Variants in ENTREP2 observed in about 807,000 individuals in gnomAD.
ENTREP2 encodes endosomal transmembrane epsin interactor 2.
the ENTREP2 span, among the ~76,000 whole-genome samples, chr15:29,405,581 G>A: frequency 6.6e-6 from 1 of 152,114 alleles, no homozygotes; most frequent in Admixed American, 6.6e-5. Context: ...CCCCCAAACA[G>A]CTAATTACCC....
the ENTREP2 span, among the ~76,000 whole-genome samples, chr15:29,125,506 T>C: frequency 6.6e-6 from 1 of 152,124 alleles, no homozygotes; most frequent in Non-Finnish European, 1.5e-5. Context: ...AGAGATCAGC[T>C]GGGCAAGACC....
chr15:29,668,180 A>G, the ENTREP2 span, among the ~76,000 whole-genome samples: 12 of 152,314 alleles, frequency 7.9e-5, no homozygotes, highest in African/African-American at 2.6e-4. Flanking sequence ...TAGCAACAGA[A>G]GAGGGAGCAG....
chr15:29,583,527 A>G, the ENTREP2 span, among the ~76,000 whole-genome samples: 4 of 152,200 alleles, frequency 2.6e-5, no homozygotes, highest in African/African-American at 9.7e-5. Flanking sequence ...GAAAAGAGCT[A>G]ATACATGCTG....
chr15:29,427,977 T>C, the ENTREP2 span, among the ~76,000 whole-genome samples: 3 of 152,076 alleles, frequency 2.0e-5, no homozygotes, highest in African/African-American at 7.2e-5. Flanking sequence ...ACCAACAGAG[T>C]GATAAATATC....
At chr15:29,498,320 G>C in the ENTREP2 span, among the ~76,000 whole-genome samples, 1 of 151,900 alleles carries the variant, frequency 6.6e-6, no homozygotes, top group African/African-American at 2.4e-5. Context: ...CCAAAGTTTT[G>C]GTACACTGTG....
At chr15:29,661,477 G>A in the ENTREP2 span, among the ~76,000 whole-genome samples, 91 of 152,128 alleles carry the variant, frequency 6.0e-4, no homozygotes, top group African/African-American at 2.0e-3. Flanking sequence ...GGCATTACAG[G>A]TGTGAGCCAC....
chr15:29,234,545 G>C, the ENTREP2 span: 3 of 1,384,276 alleles, frequency 2.2e-6, no homozygotes, highest in Non-Finnish European at 3.1e-6. Flanking sequence ...TGGGCAAATA[G>C]CAACAGATGT....
chr15:29,537,249 C>T, the ENTREP2 span, among the ~76,000 whole-genome samples: 1 of 152,136 alleles, frequency 6.6e-6, no homozygotes, highest in African/African-American at 2.4e-5. Flanking sequence ...GGAGCCAATG[C>T]CCACTAGAGT....
the ENTREP2 span, among the ~76,000 whole-genome samples, chr15:29,570,985 GCCCGCCCCGCGCGCTC>G: frequency 6.9e-6 from 1 of 144,908 alleles, no homozygotes; most frequent in South Asian, 2.1e-4. Flanking sequence ...GCCCTCCCCC[GCCCGCCCCGCGCGCTC>G]CCCGGCCCGA....
the ENTREP2 span, among the ~76,000 whole-genome samples, chr15:29,444,240 AAGAAAGAAAG>A: frequency 5.1e-4 from 71 of 139,896 alleles, 1 homozygote; most frequent in African/African-American, 1.4e-3. Context: ...GAAAGAAAGA[AAGAAAGAAAG>A]AGAAAGAGAA....
chr15:29,611,919 G>A, the ENTREP2 span, among the ~76,000 whole-genome samples: 4 of 152,060 alleles, frequency 2.6e-5, no homozygotes, highest in African/African-American at 7.2e-5. Context: ...GTCTGCCTTC[G>A]CTGCACCTCC....
At chr15:29,489,384 C>G in the ENTREP2 span, among the ~76,000 whole-genome samples, 6 of 152,262 alleles carry the variant, frequency 3.9e-5, no homozygotes, top group East Asian at 1.2e-3. Context: ...ACATGAGTTA[C>G]CTGCCAAAGT....
At chr15:29,124,085 C>T in the ENTREP2 span, among the ~76,000 whole-genome samples, 8 of 147,558 alleles carry the variant, frequency 5.4e-5, no homozygotes, top group African/African-American at 7.8e-5. Flanking sequence ...AACATGAGAC[C>T]GCCCCCCCCA....
the ENTREP2 span, among the ~76,000 whole-genome samples, chr15:29,630,651 T>C: frequency 6.6e-6 from 1 of 152,148 alleles, no homozygotes; most frequent in African/African-American, 2.4e-5. Context: ...TATGAGACTT[T>C]GTTCATTTTT....
At chr15:29,538,100 T>C in the ENTREP2 span, among the ~76,000 whole-genome samples, 1 of 152,152 alleles carries the variant, frequency 6.6e-6, no homozygotes, top group Admixed American at 6.5e-5. Flanking sequence ...ATGCACGCTG[T>C]AGGAGGGTGG....
the ENTREP2 span, among the ~76,000 whole-genome samples, chr15:29,302,072 C>T: frequency 6.6e-6 from 1 of 152,136 alleles, no homozygotes. Flanking sequence ...GCTCTAAACC[C>T]ATGCCCATTT....
chr15:29,133,032 C>T, the ENTREP2 span, among the ~76,000 whole-genome samples: 4 of 152,258 alleles, frequency 2.6e-5, no homozygotes, highest in East Asian at 5.8e-4. Context: ...CAGGGGTTTC[C>T]GGGTCCATCT....
chr15:29,477,833 A>G, the ENTREP2 span, among the ~76,000 whole-genome samples: 22 of 151,718 alleles, frequency 1.5e-4, no homozygotes, highest in Non-Finnish European at 2.9e-5. Context: ...CGTGGGTAAG[A>G]ATGGACTGGA....
chr15:29,258,566 C>T, the ENTREP2 span, among the ~76,000 whole-genome samples: 1 of 151,866 alleles, frequency 6.6e-6, no homozygotes, highest in African/African-American at 2.4e-5. Flanking sequence ...GTTTTTTAAA[C>T]TGTGGTAAAA....
Sources: gnomAD v4.1 joint callset for allele counts (sites outside exome capture counted in the v4.1 genomes callset) on GRCh38, gnomAD v4.1.1 for gene constraint, MANE v1.5 for transcripts, NCBI Gene and HGNC (gene_info 2026-07-23, HGNC 2026-07-21) for gene names.